ZZEF1: variants seen among roughly 807,000 people sequenced by gnomAD.
The protein encoded by ZZEF1 is zinc finger ZZ-type and EF-hand domain containing 1.
A neutral mutation model predicts 342.8 loss-of-function variants in ZZEF1; 157 were observed. That is an observed-to-expected ratio of 0.46 (90% CI 0.40 to 0.52). ZZEF1 has a LOEUF of 0.52. ZZEF1 is among the 20% of genes least tolerant of loss of function. ZZEF1 has a pLI of 0.00. For synonymous variants in ZZEF1, 1,505 were observed against 1,429.1 expected (o/e 1.05, Z -1.20); for missense variants, 3,480 against 3,725.6 (o/e 0.93, Z 1.72).
chr17:4,076,093 A>C (rs2057609360), intron 21 of ZZEF1: 1 of 151,924 alleles, frequency 6.6e-6, no homozygotes, highest in Non-Finnish European at 1.5e-5. Context: ...CATCAACTAT[A>C]AAATGATGAG....
At position 4,064,846 on chromosome 17, in the gene ZZEF1, A is replaced by G; in HGVS notation, c.4250-17T>C. The stretch of plus-strand genomic sequence containing the variant: ...ACTCTTTTGCTAGATGCAAACAAGA[A>G]TCATAATTGAAAAAAAAAAAAGTTA... On this transcript the variant is annotated splice_polypyrimidine_tract_variant and intron_variant, in intron 28 of 54. Transcript: ENST00000381638. The G allele has an allele frequency of 7.1e-7, 1 of 1,404,372 alleles. No homozygotes were observed. The highest frequency in any genetic ancestry group is 1.3e-5 in the South Asian group (1 of 78,406). 87.0% of individuals were successfully genotyped at this position (1,404,372 alleles called of 1,614,324 possible). A position where few individuals can be genotyped will look rare whatever the true frequency, so the allele number is the denominator to read the frequency against.
chr17:4,076,426 C>T (rs1467512899), intron 21 of ZZEF1: 1 of 489,234 alleles, frequency 2.0e-6, no homozygotes, highest in African/African-American at 1.9e-5. Flanking sequence ...AGCCACTGCG[C>T]CCGGCCTCTG....
chr17:4,117,707 CTT>C (rs2058421056), intron 2 of ZZEF1, among the ~76,000 whole-genome samples: 2 of 144,458 alleles, frequency 1.4e-5, no homozygotes, highest in South Asian at 4.4e-4. Context: ...TTTTAGAAGA[CTT>C]AGAATAACGA....
At chr17:4,066,349 C>T in intron 28 of ZZEF1, 98 bp downstream of exon 28, 1 of 1,026,460 alleles carries the variant, frequency 9.7e-7, no homozygotes, top group Non-Finnish European at 1.5e-6. Context: ...GTCAACACAG[C>T]CTCAATTAAG....
At chr17:4,096,839 G>A in intron 9 of ZZEF1, 139 bp from the exon 10 acceptor site, 1 of 684,138 alleles carries the variant, frequency 1.5e-6, no homozygotes, top group South Asian at 1.8e-5. Flanking sequence ...AGAGAAAAAT[G>A]TCCTCTTTGG....
At chr17:4,088,916 C>CAATAGAAGAACTCAG (rs767132018) in intron 12 of ZZEF1, 23 bp from the exon 13 acceptor site, 6 of 1,608,974 alleles carry the variant, frequency 3.7e-6, no homozygotes, top group Non-Finnish European at 4.2e-6. Flanking sequence ...AGAGAGATTT[C>CAATAGAAGAACTCAG]AATAGAAGAA....
intron 18 of ZZEF1, among the ~76,000 whole-genome samples, chr17:4,079,231 C>G (rs566252436): frequency 3.3e-5 from 5 of 152,216 alleles, no homozygotes; most frequent in Non-Finnish European, 7.3e-5. Context: ...CCACTCCTCA[C>G]GTGCGGGGCA....
chr17:4,096,019 A>G (rs1195095694), intron 10 of ZZEF1, 40 bp from the exon 11 acceptor site: 5 of 1,559,918 alleles, frequency 3.2e-6, no homozygotes, highest in South Asian at 1.2e-5. Flanking sequence ...CAAAGGGGCA[A>G]AAGTTCTGTG....
rs545364837 is a variant in ZZEF1 at position 4,008,454 on chromosome 17, A to G, written c.8805+429T>C. On this transcript the variant is annotated intron_variant, in intron 54 of 54. Coordinates refer to ENST00000381638, the MANE Select transcript of ZZEF1 (RefSeq NM_015113.4). The surrounding 1 kb of genome is among the most constrained non-coding windows in gnomAD (Gnocchi z 4.2). ...TCTAATGGCACATATGGATATATGC[A>G]TAATAGACATATCCAAAAGCTTTCT... The G allele has an allele frequency of 1.2e-6, 1 of 840,676 alleles. No individual in the cohort carries two copies. Among genetic ancestry groups the G allele is most frequent in the Admixed American group, 6.0e-5 (1 of 16,744 alleles). The allele number at this position is 840,676 out of a possible 1,614,324, so 52.1% of individuals were successfully genotyped here.
At chr17:4,128,458 G>GT (rs71144168) in intron 1 of ZZEF1, among the ~76,000 whole-genome samples, 128,227 of 143,876 alleles carry the variant, frequency 0.89, 58,846 homozygotes, top group South Asian at 0.99. Flanking sequence ...TTCTAAAGTT[G>GT]TTTTTTTTTT....
At chr17:4,069,365 T>C (rs542865760) in intron 26 of ZZEF1, among the ~76,000 whole-genome samples, 1 of 152,330 alleles carries the variant, frequency 6.6e-6, no homozygotes, top group East Asian at 1.9e-4. Context: ...ATGACATTTG[T>C]TTCCATAAAT....
At chr17:4,039,819 T>C (rs149865750) in intron 39 of ZZEF1, among the ~76,000 whole-genome samples, 2,100 of 152,040 alleles carry the variant, frequency 0.014, 24 homozygotes, top group Non-Finnish European at 0.02. Flanking sequence ...AATTTTTTTG[T>C]ATTTTTAGTT....
intron 11 of ZZEF1, among the ~76,000 whole-genome samples, chr17:4,095,384 A>G (rs1462408437): frequency 6.6e-6 from 1 of 152,224 alleles, no homozygotes; most frequent in Non-Finnish European, 1.5e-5. Flanking sequence ...CTTCTGAGCT[A>G]AACAGTAAGC....
At chr17:4,083,478 C>T (rs1023263835) in intron 16 of ZZEF1, among the ~76,000 whole-genome samples, 2 of 152,142 alleles carry the variant, frequency 1.3e-5, no homozygotes, top group Non-Finnish European at 2.9e-5. Context: ...ATTACACAAA[C>T]AAATATCCTT....
In ZZEF1 at chr17:4,085,978, A is replaced by C. The variant is rs564123587; in HGVS notation, c.2513-175T>G. Among the ~76,000 whole-genome samples, 3 of 152,312 alleles carry C rather than the reference A, an allele frequency of 2.0e-5. No individual in the cohort carries two copies. The East Asian group carries it at 5.8e-4, about 29-fold the overall frequency. On this transcript the variant is annotated intron_variant, in intron 15 of 54. Coordinates refer to ENST00000381638, the MANE Select transcript of ZZEF1 (RefSeq NM_015113.4). ...AAATATTTTTTATTTGCTTTCATTT[A>C]ACTAAAACAAAGACCGTATGTATCA...
At chr17:4,139,736 T>C (rs1053369188) in intron 1 of ZZEF1, among the ~76,000 whole-genome samples, 3 of 152,138 alleles carry the variant, frequency 2.0e-5, no homozygotes, top group Non-Finnish European at 2.9e-5. Flanking sequence ...CACAATCAGG[T>C]TTTTAAACCT....
chr17:4,042,450 G>T lies in ZZEF1; in HGVS notation c.6285C>A (p.Ala2095=), dbSNP rs1289127604. The T allele has an allele frequency of 2.5e-6, 4 of 1,613,346 alleles. No homozygotes were observed. The highest frequency in any genetic ancestry group is 3.4e-6 in the Non-Finnish European group (4 of 1,179,808). The change falls in exon 39 of 55, where the codon GCC becomes GCA. Residue 2095 remains alanine (A), a synonymous_variant. Transcript: ENST00000381638. The part of the protein sequence containing the change: ...SQKRILGLLA[A]MLPPLKSGPT... Reference sequence around the variant, plus strand: ...TTACCGACTTTAAGGGAGGTAACATGGCTGCTAGTAATCCCAAAATCCTCT... The same window carrying T: ...TTACCGACTTTAAGGGAGGTAACATTGCTGCTAGTAATCCCAAAATCCTCT...
At chr17:4,076,190 G>T (rs983216887) in intron 21 of ZZEF1, 1 of 144,400 alleles carries the variant, frequency 6.9e-6, no homozygotes. Flanking sequence ...GGAGTGCAGT[G>T]GCGCAATCTC....
intron 42 of ZZEF1, among the ~76,000 whole-genome samples, chr17:4,026,522 T>TC (rs1485864920): frequency 6.7e-6 from 1 of 150,250 alleles, no homozygotes; most frequent in Non-Finnish European, 1.5e-5. Flanking sequence ...CTTTTTTTTT[T>TC]CTTTTTTTTT....
Sources: allele counts gnomAD v4.1 joint callset (sites outside exome capture counted in the v4.1 genomes callset), GRCh38; gene constraint gnomAD v4.1.1; non-coding constraint Gnocchi (gnomAD v3.1); transcripts MANE v1.5; gene names NCBI Gene and HGNC (gene_info 2026-07-23, HGNC 2026-07-21).